PCDH11X: variants seen among roughly 807,000 people sequenced by gnomAD.
PCDH11X encodes protocadherin-11 X-linked.
PCDH11X carries 18 observed loss-of-function variants against 53.3 expected under a neutral mutation model. The ratio of observed to expected loss-of-function variants is 0.34; its 90% confidence interval spans 0.23 to 0.50. The LOEUF (loss-of-function observed/expected upper bound fraction) is 0.50, where lower values mean the gene tolerates loss of function less well. Among genes scored for constraint, PCDH11X ranks in the 20% least tolerant of loss-of-function variants. The pLI is 0.98. For synonymous variants in PCDH11X, 279 were observed against 393.3 expected (o/e 0.71, Z 3.44); for missense variants, 570 against 1,032.4 (o/e 0.55, Z 6.14).
chrX:91,900,151 C>T lies in PCDH11X; in HGVS notation c.3033+20878C>T, dbSNP rs1166764781. Among the ~76,000 whole-genome samples, 3 of 110,927 alleles carry T rather than the reference C, an allele frequency of 2.7e-5. No homozygotes were observed. The Admixed American group carries it at 2.9e-4, about 11-fold the overall frequency. Reference sequence around the variant, plus strand: ...CCTACCTCCATTGTGGAGTAGTAGACTGGTTTCATCTCGGTAGTCGGGGTC... The same window carrying T: ...CCTACCTCCATTGTGGAGTAGTAGATTGGTTTCATCTCGGTAGTCGGGGTC... On this transcript the variant is annotated intron_variant, in intron 6 of 10. Transcript: ENST00000682573.
At chrX:91,858,343 C>T (rs1938468394) in intron 5 of PCDH11X, among the ~76,000 whole-genome samples, 1 of 111,598 alleles carries the variant, frequency 9.0e-6, no homozygotes, top group South Asian at 3.8e-4. Flanking sequence ...ATGAAATCTG[C>T]TGACATGTCC....
intron 6 of PCDH11X, among the ~76,000 whole-genome samples, chrX:92,143,163 T>G (rs1167516284): frequency 3.6e-5 from 4 of 111,412 alleles, no homozygotes; most frequent in Non-Finnish European, 7.5e-5. Flanking sequence ...CCTGTAGTTT[T>G]TGGCTACTAG....
intron 10 of PCDH11X, among the ~76,000 whole-genome samples, chrX:92,599,611 C>T (rs1454080614): frequency 9.0e-6 from 1 of 111,602 alleles, no homozygotes; most frequent in East Asian, 2.8e-4. Flanking sequence ...TTTAAATTAC[C>T]CAGTTTTGGG....
At chrX:92,307,712 G>A (rs1405520519) in intron 8 of PCDH11X, among the ~76,000 whole-genome samples, 2 of 101,542 alleles carry the variant, frequency 2.0e-5, no homozygotes, top group Non-Finnish European at 4.0e-5. Context: ...TTCTCCATTT[G>A]CATGAAGGTC....
chrX:91,842,571 A>G (rs1348964702), intron 5 of PCDH11X, among the ~76,000 whole-genome samples: 3 of 108,573 alleles, frequency 2.8e-5, no homozygotes, highest in Non-Finnish European at 3.8e-5. Context: ...TCTATTTTGT[A>G]TTTCCTTTGA....
intron 8 of PCDH11X, among the ~76,000 whole-genome samples, chrX:92,305,761 A>G (rs2068814469): frequency 9.0e-6 from 1 of 111,475 alleles, no homozygotes; most frequent in South Asian, 3.8e-4. Flanking sequence ...TTACGAATAC[A>G]GTAAATTATG....
chrX:92,363,028 A>T lies in PCDH11X; in HGVS notation c.3145-24707A>T, dbSNP rs76029233. On this transcript the variant is annotated intron_variant, in intron 8 of 10. Transcript: ENST00000682573. Reference sequence around the variant, plus strand: ...TGGTCTATTTATCTGTCTTTATTCTAGTACCATACCATTTTGATTATTGTA... The same window carrying T: ...TGGTCTATTTATCTGTCTTTATTCTTGTACCATACCATTTTGATTATTGTA... Among the ~76,000 whole-genome samples, 315 of 110,814 alleles carry T rather than the reference A, an allele frequency of 2.8e-3. 6 individuals carry two copies. The East Asian group carries it at 0.054, about 19-fold the overall frequency.
intron 6 of PCDH11X, among the ~76,000 whole-genome samples, chrX:92,040,048 T>G (rs1424470855): frequency 9.1e-6 from 1 of 109,342 alleles, no homozygotes; most frequent in Non-Finnish European, 1.9e-5. Context: ...TATCTTATTT[T>G]GGCTGAGCTG....
intron 1 of PCDH11X, among the ~76,000 whole-genome samples, chrX:91,791,184 G>A (rs1327584671): frequency 1.8e-5 from 2 of 111,017 alleles, no homozygotes; most frequent in Non-Finnish European, 3.8e-5. Context: ...TGTTAAGCTA[G>A]TGCCCATGTG....
chrX:91,967,718 CAT>C lies in PCDH11X; in HGVS notation c.3033+88446_3033+88447del, dbSNP rs1301471053. ...AAGGAAGACCCCCCTAGCAACATCA[CAT>C]GAGTACAATTTTTAAATTTAAGTGT... On this transcript the variant is annotated intron_variant, in intron 6 of 10. Transcript: ENST00000682573. 2.7e-5 allele frequency among the ~76,000 whole-genome samples: 3 copies of C among 111,939 alleles called. No homozygotes were observed. The South Asian group carries it at 1.1e-3, about 42-fold the overall frequency.
chrX:91,995,512 T>C (rs2062401642), intron 6 of PCDH11X, among the ~76,000 whole-genome samples: 2 of 111,645 alleles, frequency 1.8e-5, no homozygotes, highest in South Asian at 7.5e-4. Flanking sequence ...GGTTTATTAA[T>C]GGACTCCATT....
At chrX:92,118,731 C>CT (rs199880924) in intron 6 of PCDH11X, among the ~76,000 whole-genome samples, 1,508 of 45,615 alleles carry the variant, frequency 0.033, 427 homozygotes, top group African/African-American at 0.099. Context: ...ATAATGCAGT[C>CT]TTTTTTTTTT....
chrX:92,112,794 G>C (rs1245395949), intron 6 of PCDH11X, among the ~76,000 whole-genome samples: 1 of 108,406 alleles, frequency 9.2e-6, no homozygotes, highest in Non-Finnish European at 1.9e-5. Flanking sequence ...AATTGCTAAA[G>C]TTGATCATTT....
rs753817386 is a variant in PCDH11X at position 92,523,690 on chromosome X, A to G, written c.3367+55368A>G. On this transcript the variant is annotated intron_variant, in intron 10 of 10. Coordinates refer to ENST00000682573, the MANE Select transcript of PCDH11X (RefSeq NM_032968.5). ...AGGGAAGGGTCAGGCACTGTAATGA[A>G]CACTTATCTTTTCTTTTAAAGACTT... Among the ~76,000 whole-genome samples, 415 of 111,722 alleles carry G rather than the reference A, an allele frequency of 3.7e-3. 3 individuals carry two copies. Among genetic ancestry groups the G allele is most frequent in the South Asian group, 0.015 (40 of 2,681 alleles).
At chrX:91,946,569 AT>A (rs1325815937) in intron 6 of PCDH11X, among the ~76,000 whole-genome samples, 1 of 80,639 alleles carries the variant, frequency 1.2e-5, no homozygotes, top group African/African-American at 4.8e-5. Context: ...ATATATATAT[AT>A]ATATATATAT....
chrX:92,203,377 G>T (rs1273216020), intron 7 of PCDH11X, among the ~76,000 whole-genome samples: 2 of 112,411 alleles, frequency 1.8e-5, no homozygotes, highest in African/African-American at 6.5e-5. Flanking sequence ...GTTAATTTAC[G>T]CTGTTTGCAA....
At chrX:92,299,216 A>G (rs762707727) in intron 8 of PCDH11X, among the ~76,000 whole-genome samples, 1 of 111,734 alleles carries the variant, frequency 8.9e-6, no homozygotes, top group East Asian at 2.9e-4. Flanking sequence ...TTTAAGGCCC[A>G]GGAAAGGCCT....
intron 7 of PCDH11X, among the ~76,000 whole-genome samples, chrX:92,204,606 TTC>T (rs2066444802): frequency 1.8e-5 from 2 of 112,265 alleles, no homozygotes; most frequent in Admixed American, 1.9e-4. Context: ...TCCCACATTT[TTC>T]TGTCTTCATC....
intron 6 of PCDH11X, among the ~76,000 whole-genome samples, chrX:92,005,021 G>A (rs377752106): frequency 5.4e-5 from 6 of 110,662 alleles, no homozygotes; most frequent in East Asian, 5.7e-4. Flanking sequence ...TGATCCTCCT[G>A]TCTCAGCCTC....
Sources: gnomAD v4.1 joint callset for allele counts (sites outside exome capture counted in the v4.1 genomes callset) on GRCh38, gnomAD v4.1.1 for gene constraint, MANE v1.5 for transcripts, NCBI Gene and HGNC (gene_info 2026-07-23, HGNC 2026-07-21) for gene names.